Variants in SLIT1 observed in about 807,000 individuals in gnomAD.
The protein encoded by SLIT1 is slit homolog 1 protein.
Under a neutral mutation model 186.1 loss-of-function variants are expected in SLIT1, and 66 were observed. The ratio of observed to expected loss-of-function variants is 0.35; its 90% confidence interval spans 0.29 to 0.44. SLIT1 has a LOEUF of 0.44. SLIT1 is among the 20% of genes least tolerant of loss of function. The probability of loss-of-function intolerance (pLI) is 1.00; values close to 1 mark genes in which losing one functional copy is unlikely to be tolerated. For missense variants in SLIT1, 1,638 were observed against 2,037.4 expected, an observed-to-expected ratio of 0.80 and a Z score of 3.77; for synonymous variants, 761 against 833.8, an observed-to-expected ratio of 0.91 and a Z score of 1.50.
intron 4 of SLIT1, among the ~76,000 whole-genome samples, chr10:97,145,551 G>A (rs563335696): frequency 9.2e-5 from 14 of 152,226 alleles, no homozygotes; most frequent in Admixed American, 5.9e-4. Flanking sequence ...GTCCACTCTC[G>A]TATGCAGGAT....
intron 3 of SLIT1, among the ~76,000 whole-genome samples, chr10:97,162,211 A>T (rs756700517): frequency 3.3e-5 from 5 of 152,176 alleles, no homozygotes; most frequent in Non-Finnish European, 7.3e-5. Flanking sequence ...TCCATTTAAC[A>T]TTATATTGCG....
chr10:97,166,557 A>AGGAAGGAAGGAAAG (rs1283710320), intron 1 of SLIT1, among the ~76,000 whole-genome samples: 6 of 55,214 alleles, frequency 1.1e-4, no homozygotes, highest in Non-Finnish European at 1.7e-4. Flanking sequence ...GAAGGAAGGA[A>AGGAAGGAAGGAAAG]AGAGAGAGAG....
In SLIT1 at chr10:97,047,060, A is replaced by G. The variant is rs1848740927; in HGVS notation, c.1640T>C (p.Leu547Ser). Reference protein sequence around the residue: ...RIPQSTAELRLNNNEISILEA... With the variant: ...RIPQSTAELRSNNNEISILEA... ...CAGGATGGAAATCTCATTGTTATTC[A>G]ATCGCCTGTAAGAGACAAGAATGAA... The change falls in exon 17 of 37, where the codon TTG becomes TCG. Residue 547 changes from leucine to serine, a missense_variant. Around this residue, in one of 3 missense-constraint regions of SLIT1, gnomAD observed 1,245 missense variants for 1,535.3 expected, o/e 0.81. Coordinates refer to ENST00000266058, the MANE Select transcript of SLIT1 (RefSeq NM_003061.3). 1 of 1,603,420 alleles carries G rather than the reference A, an allele frequency of 6.2e-7. No individual in the cohort carries two copies. The highest frequency in any genetic ancestry group is 1.7e-5 in the Admixed American group (1 of 59,990).
chr10:96,998,930 G>T lies in SLIT1; in HGVS notation c.*2182C>A, dbSNP rs576944948. ...ATGAAGAGGCCTCCTGCCAGCCAGT[G>T]CCCTTCAAGCCTGGGAATTGGCTTC... On this transcript the variant is annotated 3_prime_UTR_variant, in exon 37 of 37. Coordinates refer to ENST00000266058, the MANE Select transcript of SLIT1 (RefSeq NM_003061.3). 2.0e-5 allele frequency: 3 copies of T among 152,516 alleles called. No homozygotes were observed. In the East Asian group the frequency reaches 5.8e-4, roughly 29 times the overall value. 9.4% of individuals were successfully genotyped at this position (152,516 alleles called of 1,614,324 possible). A position where few individuals can be genotyped will look rare whatever the true frequency, so the allele number is the denominator to read the frequency against.
rs1849878838 is a variant in SLIT1 at position 97,151,457 on chromosome 10, G to T, written c.413+6361C>A. Among the ~76,000 whole-genome samples, 15 of 151,866 alleles carry T rather than the reference G, an allele frequency of 9.9e-5. No individual in the cohort carries two copies. In the South Asian group the frequency reaches 3.1e-3, roughly 32 times the overall value. ...GGAGAATGGATGGGAGGAGATGGGG[G>T]ATGGAGGGATGGGTCAGGAGTAGGG... On this transcript the variant is annotated intron_variant, in intron 4 of 36. Transcript: ENST00000266058.
intron 4 of SLIT1, among the ~76,000 whole-genome samples, chr10:97,107,739 C>T (rs552495070): frequency 1.3e-5 from 2 of 152,290 alleles, no homozygotes; most frequent in South Asian, 2.1e-4. Context: ...CCCACCCCCA[C>T]GTGCTGCCCT....
chr10:97,036,046 C>T (rs1848635638), intron 22 of SLIT1, among the ~76,000 whole-genome samples: 1 of 152,204 alleles, frequency 6.6e-6, no homozygotes, highest in Admixed American at 6.5e-5. Context: ...CCTCCCTAAA[C>T]CATGACAGTC....
chr10:97,106,403 T>TGAATGAACGAAC (rs139030844), intron 4 of SLIT1, among the ~76,000 whole-genome samples: 7 of 151,242 alleles, frequency 4.6e-5, no homozygotes, highest in Non-Finnish European at 8.8e-5. Flanking sequence ...AATGAATGAA[T>TGAATGAACGAAC]GAACGAATGA....
intron 4 of SLIT1, among the ~76,000 whole-genome samples, chr10:97,080,001 T>G (rs1849087759): frequency 6.6e-6 from 1 of 152,024 alleles, no homozygotes; most frequent in East Asian, 1.9e-4. Context: ...CAGGAAGCAA[T>G]GAGGGTATGT....
chr10:97,180,665 G>T (rs1247865082), intron 1 of SLIT1, among the ~76,000 whole-genome samples: 1 of 152,110 alleles, frequency 6.6e-6, no homozygotes, highest in African/African-American at 2.4e-5. Flanking sequence ...CTCCCATCAC[G>T]ACCATCCGCC....
chr10:97,092,928 T>C (rs900862940), intron 4 of SLIT1, among the ~76,000 whole-genome samples: 5 of 152,226 alleles, frequency 3.3e-5, no homozygotes, highest in African/African-American at 9.6e-5. Flanking sequence ...TGGACTATTG[T>C]TGGCTTCATT....
rs558226658 is a variant in SLIT1, at chr10:97,136,563, C to A, written c.413+21255G>T. ...ACAAAAAGCTTCAGGCTCCTGCCCC[C>A]ACAACAAACAAACAACCCATCTCCT... On this transcript the variant is annotated intron_variant, in intron 4 of 36. Coordinates refer to ENST00000266058, the MANE Select transcript of SLIT1 (RefSeq NM_003061.3). Among the ~76,000 whole-genome samples the A allele has an allele frequency of 2.0e-5, 3 of 152,294 alleles. No individual in the cohort carries two copies. In the South Asian group the frequency reaches 6.2e-4, roughly 32 times the overall value.
intron 7 of SLIT1, among the ~76,000 whole-genome samples, 176 bp downstream of exon 7, chr10:97,063,992 C>G (rs894047219): frequency 6.6e-6 from 1 of 152,120 alleles, no homozygotes; most frequent in African/African-American, 2.4e-5. Context: ...GCCCTGCAAC[C>G]GTATAACTCC....
chr10:97,013,791 C>G lies in SLIT1; in HGVS notation c.3153G>C (p.Leu1051=). ...EQLVDLCSPD[L]NPCQHEAQCV... ...ACTGGGCCTCGTGTTGACATGGGTT[C>G]AGATCCGGAGAGCACAAGTCCACCA... Residue 1051 remains leucine (L), a synonymous_variant, in exon 30 of 37, where the codon CTG becomes CTC. Coordinates refer to ENST00000266058, the MANE Select transcript of SLIT1 (RefSeq NM_003061.3). 3 of 1,551,600 alleles carry G rather than the reference C, an allele frequency of 1.9e-6. No individual in the cohort carries two copies. The South Asian group carries it at 3.6e-5, about 18-fold the overall frequency.
At chr10:97,087,856 C>T (rs973621569) in intron 4 of SLIT1, among the ~76,000 whole-genome samples, 2 of 152,140 alleles carry the variant, frequency 1.3e-5, no homozygotes, top group African/African-American at 4.8e-5. Flanking sequence ...TTTGAGAACA[C>T]AGCCAGGTTG....
rs546262832 is a variant in SLIT1, at chr10:97,071,425, C to G, written c.414-5339G>C. Among the ~76,000 whole-genome samples the G allele has an allele frequency of 4.6e-5, 7 of 152,340 alleles. No individual in the cohort carries two copies. The East Asian group carries it at 1.3e-3, about 29-fold the overall frequency. On this transcript the variant is annotated intron_variant, in intron 4 of 36. Transcript: ENST00000266058. ...TGGGAAGGAACGCTGGGCCGGCACT[C>G]ACATCCATTCATTATTCCATTTAAT...
intron 4 of SLIT1, among the ~76,000 whole-genome samples, chr10:97,112,955 A>G (rs1849478252): frequency 6.6e-6 from 1 of 152,196 alleles, no homozygotes; most frequent in African/African-American, 2.4e-5. Context: ...CGGCCTTTCA[A>G]AGCGCTGGGA....
At chr10:97,008,088 A>G (rs1399546218) in intron 31 of SLIT1, among the ~76,000 whole-genome samples, 1 of 152,134 alleles carries the variant, frequency 6.6e-6, no homozygotes, top group African/African-American at 2.4e-5. Context: ...GGAAAGATAA[A>G]TAAAATGCAT....
intron 26 of SLIT1, among the ~76,000 whole-genome samples, chr10:97,019,982 A>T (rs936133846): frequency 2.8e-5 from 4 of 144,996 alleles, no homozygotes; most frequent in East Asian, 4.0e-4. Flanking sequence ...ATTTTCCTTT[A>T]TTTTTTTTTT....
Sources: allele counts gnomAD v4.1 joint callset (sites outside exome capture counted in the v4.1 genomes callset), GRCh38; gene constraint gnomAD v4.1.1; regional missense constraint gnomAD v4.1.1; transcripts MANE v1.5; gene names NCBI Gene and HGNC (gene_info 2026-07-23, HGNC 2026-07-21).